The following KHDRBS2 variants were observed in gnomAD, a reference collection of about 807,000 sequenced individuals.
The protein encoded by KHDRBS2 is KH domain-containing, RNA-binding, signal transduction-associated protein 2.
Under a neutral mutation model 44.3 loss-of-function variants are expected in KHDRBS2, and 26 were observed. The observed-to-expected ratio is 0.59, with a 90% CI of 0.43 to 0.81. KHDRBS2 has a LOEUF of 0.81. KHDRBS2 is among the 40% of genes least tolerant of loss of function. KHDRBS2 has a pLI of 0.00. For missense variants in KHDRBS2, 476 were observed against 433.1 expected (o/e 1.10, Z -0.88); for synonymous variants, 194 against 151.1 (o/e 1.28, Z -2.08).
At chr6:62,005,487 C>G (rs1317948537) in intron 3 of KHDRBS2, among the ~76,000 whole-genome samples, 2 of 151,646 alleles carry the variant, frequency 1.3e-5, no homozygotes, top group East Asian at 3.9e-4. Flanking sequence ...AGAGCTATCT[C>G]CTAGAATATG....
At chr6:62,186,127 T>G (rs1308219854) in intron 1 of KHDRBS2, among the ~76,000 whole-genome samples, 2 of 152,078 alleles carry the variant, frequency 1.3e-5, no homozygotes, top group Non-Finnish European at 2.9e-5. Context: ...CAACAAGTGA[T>G]GATGACAGTT....
At chr6:61,824,491 G>A (rs750321528) in intron 6 of KHDRBS2, among the ~76,000 whole-genome samples, 1 of 152,064 alleles carries the variant, frequency 6.6e-6, no homozygotes, top group Non-Finnish European at 1.5e-5. Flanking sequence ...GTGGAACTGT[G>A]AGTCAATTAA....
intron 1 of KHDRBS2, among the ~76,000 whole-genome samples, chr6:62,207,202 G>GA (rs1235102129): frequency 1.3e-5 from 2 of 151,584 alleles, no homozygotes; most frequent in African/African-American, 4.8e-5. Context: ...AAAATCAGAG[G>GA]AAAAAAGTGT....
the KHDRBS2 span, among the ~76,000 whole-genome samples, chr6:61,558,750 C>A: frequency 6.6e-6 from 1 of 151,900 alleles, no homozygotes; most frequent in Non-Finnish European, 1.5e-5. Context: ...TTGCTGATTT[C>A]TCGTATTATT....
At position 62,048,696 on chromosome 6, in the gene KHDRBS2, C is replaced by T. The variant is rs199935180; in HGVS notation, c.220-702G>A. 2.0e-5 allele frequency among the ~76,000 whole-genome samples: 3 copies of T among 151,990 alleles called. No homozygotes were observed. In the East Asian group the frequency reaches 5.8e-4, roughly 30 times the overall value. ...AAATTCTGGGGTTCCACATAATTTG[C>T]TTAATCATCTTGAAACATAAATAAG... On this transcript the variant is annotated intron_variant, in intron 2 of 8. Transcript: ENST00000281156.
chr6:62,181,096 G>T (rs1206117749), intron 1 of KHDRBS2, among the ~76,000 whole-genome samples: 1 of 151,128 alleles, frequency 6.6e-6, no homozygotes, highest in Non-Finnish European at 1.5e-5. Context: ...TAAGAGTCCT[G>T]GAAGAAAAAG....
chr6:61,561,550 C>A, the KHDRBS2 span, among the ~76,000 whole-genome samples: 1 of 152,112 alleles, frequency 6.6e-6, no homozygotes. Context: ...TAGCTGGTAC[C>A]CAAACCACAA....
At chr6:61,655,374 C>A in the KHDRBS2 span, among the ~76,000 whole-genome samples, 1 of 152,028 alleles carries the variant, frequency 6.6e-6, no homozygotes, top group Non-Finnish European at 1.5e-5. Flanking sequence ...CTGCCTCAGC[C>A]TCCCAAGTAG....
chr6:61,829,521 G>A (rs952659889), intron 6 of KHDRBS2, among the ~76,000 whole-genome samples: 15 of 151,636 alleles, frequency 9.9e-5, no homozygotes, highest in Non-Finnish European at 2.1e-4. Flanking sequence ...AAACTGAATT[G>A]AGCAAAAGAT....
chr6:62,050,139 T>G (rs1584366698), intron 2 of KHDRBS2, among the ~76,000 whole-genome samples: 1 of 152,152 alleles, frequency 6.6e-6, no homozygotes, highest in Middle Eastern at 3.4e-3. Flanking sequence ...TCATGCCCTT[T>G]TCAGGGACAT....
At chr6:61,624,813 G>A in the KHDRBS2 span, among the ~76,000 whole-genome samples, 1 of 152,104 alleles carries the variant, frequency 6.6e-6, no homozygotes, top group Non-Finnish European at 1.5e-5. Flanking sequence ...CAAGAACCAA[G>A]GGCTGGAGAA....
intron 6 of KHDRBS2, among the ~76,000 whole-genome samples, chr6:61,825,922 G>A (rs1434678862): frequency 6.6e-6 from 1 of 152,102 alleles, no homozygotes; most frequent in African/African-American, 2.4e-5. Flanking sequence ...CACATACTAA[G>A]CATTGTAAAA....
chr6:61,773,592 T>C (rs1176935449), intron 6 of KHDRBS2, among the ~76,000 whole-genome samples: 1 of 148,624 alleles, frequency 6.7e-6, no homozygotes, highest in Non-Finnish European at 1.5e-5. Context: ...ATTTTGTAGG[T>C]TGCCTGTTCA....
the KHDRBS2 span, among the ~76,000 whole-genome samples, chr6:61,575,098 C>A: frequency 6.6e-6 from 1 of 152,038 alleles, no homozygotes; most frequent in Non-Finnish European, 1.5e-5. Context: ...ACAACAAAAA[C>A]AAAAATAAAT....
the KHDRBS2 span, among the ~76,000 whole-genome samples, chr6:61,665,713 A>G: frequency 3.3e-5 from 5 of 151,242 alleles, no homozygotes; most frequent in African/African-American, 9.7e-5. Context: ...CCAGAATTAA[A>G]TGTATTACAA....
intron 6 of KHDRBS2, among the ~76,000 whole-genome samples, chr6:61,822,517 T>C (rs79758240): frequency 0.066 from 10,105 of 152,018 alleles, 393 homozygotes; most frequent in Middle Eastern, 0.13. Context: ...AATCTTCTAC[T>C]CTTCTCACTA....
At chr6:61,912,667 G>T (rs1169668615) in intron 4 of KHDRBS2, among the ~76,000 whole-genome samples, 2 of 152,104 alleles carry the variant, frequency 1.3e-5, no homozygotes, top group African/African-American at 4.8e-5. Context: ...CCCAAGATCT[G>T]CTAATTCCAC....
rs183387459 is a variant in KHDRBS2, at chr6:61,928,281, C to G, written c.484-26910G>C. ...TATGCTTGCTTAGTAATTGTAGTCT[C>G]TGGAACTTATTTGGTGTAAACTGCT... On this transcript the variant is annotated intron_variant, in intron 4 of 8. Transcript: ENST00000281156. Among the ~76,000 whole-genome samples the G allele has an allele frequency of 1.6e-3, 240 of 152,174 alleles. 1 individual carries two copies. The highest frequency in any genetic ancestry group is 5.5e-3 in the African/African-American group (227 of 41,556).
intron 6 of KHDRBS2, among the ~76,000 whole-genome samples, chr6:61,763,932 T>C (rs1779628680): frequency 6.6e-6 from 1 of 152,120 alleles, no homozygotes; most frequent in African/African-American, 2.4e-5. Flanking sequence ...CATCACCTAG[T>C]TATTAAGCCC....
Sources: allele counts gnomAD v4.1 joint callset (sites outside exome capture counted in the v4.1 genomes callset), GRCh38; gene constraint gnomAD v4.1.1; transcripts MANE v1.5; gene names NCBI Gene and HGNC (gene_info 2026-07-23, HGNC 2026-07-21).